Variants in EXOC5 observed in about 807,000 individuals in gnomAD.
EXOC5 encodes exocyst complex component 5.
Under a neutral mutation model 90.8 loss-of-function variants are expected in EXOC5, and 17 were observed. The ratio of observed to expected loss-of-function variants is 0.19; its 90% CI spans 0.13 to 0.28. The LOEUF is 0.28. Among genes scored for constraint, EXOC5 ranks in the 10% least tolerant of loss-of-function variants. EXOC5 has a pLI of 1.00. For synonymous variants in EXOC5, 260 were observed against 270.0 expected (o/e 0.96, Z 0.36); for missense variants, 569 against 830.6 (o/e 0.69, Z 3.87).
At chr14:57,245,032 A>G (rs1037795479) in intron 3 of EXOC5, among the ~76,000 whole-genome samples, 4 of 152,098 alleles carry the variant, frequency 2.6e-5, no homozygotes, top group African/African-American at 9.7e-5. Context: ...AAAATATACC[A>G]ATTTATTTTA....
At position 57,208,293 on chromosome 14, in the gene EXOC5, C is replaced by T; in HGVS notation, c.*316G>A. ...AGAACCGAAAACACTGGTAACATTT[C>T]CTTTGCCTTCTGACAGCAACATTTT... On this transcript the variant is annotated 3_prime_UTR_variant, in exon 18 of 18. Transcript: ENST00000621441. The T allele has an allele frequency of 4.6e-6, 1 of 215,458 alleles. No homozygotes were observed. Among genetic ancestry groups the T allele is most frequent in the Non-Finnish European group, 9.1e-6 (1 of 109,556 alleles). The allele number at this position is 215,458 out of a possible 1,614,324, so 13.3% of individuals were successfully genotyped here. A position where few individuals can be genotyped will look rare whatever the true frequency, so the allele number is the denominator to read the frequency against.
intron 15 of EXOC5, among the ~76,000 whole-genome samples, chr14:57,212,880 T>A (rs148802190): frequency 6.6e-6 from 1 of 152,240 alleles, no homozygotes; most frequent in African/African-American, 2.4e-5. Context: ...GCAATGCTGA[T>A]AGATCCACTC....
In EXOC5 at chr14:57,207,666, A is replaced by G. The variant is rs1051019559; in HGVS notation, c.*943T>C. Reference sequence around the variant, plus strand: ...TAAAAGACTAACCACATGTTCAGCCATTCCATCTTATTCAAGTTTAGCATT... The same window carrying G: ...TAAAAGACTAACCACATGTTCAGCCGTTCCATCTTATTCAAGTTTAGCATT... On this transcript the variant is annotated 3_prime_UTR_variant, in exon 18 of 18. Coordinates refer to ENST00000621441, the MANE Select transcript of EXOC5 (RefSeq NM_006544.4). 1.3e-5 allele frequency: 2 copies of G among 152,122 alleles called. No individual in the cohort carries two copies. Among genetic ancestry groups the G allele is most frequent in the African/African-American group, 4.8e-5 (2 of 41,454 alleles). The allele number at this position is 152,122 out of a possible 1,614,324, so 9.4% of individuals were successfully genotyped here.
chr14:57,233,006 A>ATTC, intron 9 of EXOC5: 1 of 280,134 alleles, frequency 3.6e-6, no homozygotes, highest in Non-Finnish European at 6.6e-6. Context: ...AAATTGGCCT[A>ATTC]TTCTGCTCTG....
chr14:57,265,182 C>G (rs1884631967), intron 1 of EXOC5, among the ~76,000 whole-genome samples: 1 of 150,212 alleles, frequency 6.7e-6, no homozygotes, highest in African/African-American at 2.5e-5. Flanking sequence ...ATTTCTATGG[C>G]ATGCCCTTTG....
intron 1 of EXOC5, among the ~76,000 whole-genome samples, chr14:57,256,298 G>GA (rs1335454280): frequency 1.3e-5 from 2 of 152,094 alleles, no homozygotes; most frequent in East Asian, 3.9e-4. Flanking sequence ...AACCAATTCT[G>GA]AAAATGTATG....
At chr14:57,244,101 C>T (rs1228550492) in intron 4 of EXOC5, 64 bp downstream of exon 4, 3 of 1,057,462 alleles carry the variant, frequency 2.8e-6, no homozygotes, top group East Asian at 2.4e-5. Context: ...GCAATTATTG[C>T]AGCTCATAAT....
In EXOC5 at chr14:57,240,583, G is replaced by C. The variant is rs76203728; in HGVS notation, c.466-924C>G. Reference sequence around the variant, plus strand: ...AGGCGTGAGCCACCGAGCCCAGCCAGAAATGTGTAAATTTATTCAAGTTGT... The same window carrying C: ...AGGCGTGAGCCACCGAGCCCAGCCACAAATGTGTAAATTTATTCAAGTTGT... On this transcript the variant is annotated intron_variant, in intron 4 of 17. Coordinates refer to ENST00000621441, the MANE Select transcript of EXOC5 (RefSeq NM_006544.4). 8.1e-3 allele frequency among the ~76,000 whole-genome samples: 1,225 copies of C among 151,858 alleles called. 19 individuals carry two copies. Among genetic ancestry groups the C allele is most frequent in the African/African-American group, 0.027 (1,119 of 41,466 alleles).
At position 57,206,030 on chromosome 14, in the gene EXOC5, T is replaced by C. The variant is rs1474638561; in HGVS notation, c.*2579A>G. 2.2e-6 allele frequency: 1 copy of C among 454,100 alleles called. No individual in the cohort carries two copies. The highest frequency in any genetic ancestry group is 2.0e-5 in the African/African-American group (1 of 49,812). 28.1% of individuals were successfully genotyped at this position (454,100 alleles called of 1,614,324 possible). On this transcript the variant is annotated 3_prime_UTR_variant, in exon 18 of 18. Coordinates refer to ENST00000621441, the MANE Select transcript of EXOC5 (RefSeq NM_006544.4). Reference sequence around the variant, plus strand: ...TTTACATAAGGTAGGCTTCCTTTATTAAATTCGTATTCTGTATTTCAGATA... The same window carrying C: ...TTTACATAAGGTAGGCTTCCTTTATCAAATTCGTATTCTGTATTTCAGATA...
At chr14:57,229,414 T>C (rs1308778943) in intron 12 of EXOC5, among the ~76,000 whole-genome samples, 5 of 151,812 alleles carry the variant, frequency 3.3e-5, no homozygotes. Flanking sequence ...GATCAAAAAA[T>C]ATTCAAGAAA....
chr14:57,237,388 T>C (rs1483301341), intron 5 of EXOC5, 22 bp from the exon 6 acceptor site: 1 of 1,511,760 alleles, frequency 6.6e-7, no homozygotes, highest in Non-Finnish European at 9.0e-7. Context: ...AAACCAACCA[T>C]GAGGTTTGTT....
rs576654164 is a variant in EXOC5 at position 57,261,165 on chromosome 14, T to C, written c.27+7457A>G. Among the ~76,000 whole-genome samples the C allele has an allele frequency of 3.3e-5, 5 of 152,346 alleles. No individual in the cohort carries two copies. In the East Asian group the frequency reaches 7.7e-4, roughly 23 times the overall value. On this transcript the variant is annotated intron_variant, in intron 1 of 17. Transcript: ENST00000621441. ...ACTTTTAAATTATTTATCACTCAAC[T>C]AGAACTTTCGTTTAATTTGTAGGTT...
chr14:57,232,978 A>T, intron 9 of EXOC5: 1 of 357,530 alleles, frequency 2.8e-6, no homozygotes, highest in Non-Finnish European at 5.0e-6. Context: ...CAGTCTTAGG[A>T]ATAATACCTT....
intron 15 of EXOC5, among the ~76,000 whole-genome samples, chr14:57,212,300 C>T (rs530711058): frequency 1.3e-5 from 2 of 152,332 alleles, no homozygotes; most frequent in South Asian, 2.1e-4. Context: ...GTTATCCAGT[C>T]CAGCTTCCCT....
In EXOC5 at chr14:57,242,050, A is replaced by G. The variant is rs370398272; in HGVS notation, c.465+2115T>C. ...CAGGAGGCTGAGGCAGGAGAATGGC[A>G]TGAACCCAGGAGGCGGAGGTTGCAG... is the stretch of plus-strand genomic sequence containing the variant. On this transcript the variant is annotated intron_variant, in intron 4 of 17. Coordinates refer to ENST00000621441, the MANE Select transcript of EXOC5 (RefSeq NM_006544.4). Among the ~76,000 whole-genome samples the G allele has an allele frequency of 3.1e-4, 46 of 149,874 alleles. 1 individual carries two copies. The South Asian group carries it at 3.3e-3, about 11-fold the overall frequency.
In EXOC5 at chr14:57,238,078, CAAAT is replaced by C. The variant is rs111564901; in HGVS notation, c.531-716_531-713del. Reference sequence around the variant, plus strand: ...TGGCTGGCAAAAGAGATGCCAAAGACAAATGAAGAAGGAAACAAAAATCTAGAGT... The same window carrying C: ...TGGCTGGCAAAAGAGATGCCAAAGACGAAGAAGGAAACAAAAATCTAGAGT... On this transcript the variant is annotated intron_variant, in intron 5 of 17. Coordinates refer to ENST00000621441, the MANE Select transcript of EXOC5 (RefSeq NM_006544.4). Among the ~76,000 whole-genome samples the C allele has an allele frequency of 2.2e-3, 332 of 151,254 alleles. 1 individual carries two copies. Among genetic ancestry groups the C allele is most frequent in the African/African-American group, 7.7e-3 (319 of 41,264 alleles).
rs1170189895 is a variant in EXOC5 at position 57,201,702 on chromosome 14, C to T, written c.*6907G>A. The T allele has an allele frequency of 1.3e-5, 2 of 150,884 alleles. No homozygotes were observed. The highest frequency in any genetic ancestry group is 3.0e-5 in the Non-Finnish European group (2 of 67,762). The allele number at this position is 150,884 out of a possible 1,614,324, so 9.3% of individuals were successfully genotyped here. On this transcript the variant is annotated 3_prime_UTR_variant, in exon 18 of 18. Transcript: ENST00000621441. ...GAGTTTGACACCAGCCTGACCAACACGGCAAAACCCCATTTCTACTACAAA... is the reference window on the plus strand; with the variant it reads ...GAGTTTGACACCAGCCTGACCAACATGGCAAAACCCCATTTCTACTACAAA...
chr14:57,203,521 G>A lies in EXOC5; in HGVS notation c.*5088C>T, dbSNP rs1303649908. On this transcript the variant is annotated 3_prime_UTR_variant, in exon 18 of 18. Coordinates refer to ENST00000621441, the MANE Select transcript of EXOC5 (RefSeq NM_006544.4). The stretch of plus-strand genomic sequence containing the variant: ...ACTTTCTTCATTTAAGATTCCCAGT[G>A]GTGAAAACAAAGAAAGTCACTCATT... 7.9e-5 allele frequency: 12 copies of A among 152,526 alleles called. No homozygotes were observed. Among genetic ancestry groups the A allele is most frequent in the Non-Finnish European group, 1.6e-4 (11 of 68,000 alleles). 9.4% of individuals were successfully genotyped at this position (152,526 alleles called of 1,614,324 possible). A position where few individuals can be genotyped will look rare whatever the true frequency, so the allele number is the denominator to read the frequency against.
In EXOC5 at chr14:57,264,669, C is replaced by T. The variant is rs111840101; in HGVS notation, c.27+3953G>A. Among the ~76,000 whole-genome samples, 324 of 152,238 alleles carry T rather than the reference C, an allele frequency of 2.1e-3. 1 individual carries two copies. The highest frequency in any genetic ancestry group is 7.1e-3 in the African/African-American group (295 of 41,558). ...CTACAACCCTCCCTTTATGTCTTAG[C>T]TTTTATTGTCTGCTTTACTGAAAAG... On this transcript the variant is annotated intron_variant, in intron 1 of 17. Coordinates refer to ENST00000621441, the MANE Select transcript of EXOC5 (RefSeq NM_006544.4).
Sources: gnomAD v4.1 joint callset for allele counts (sites outside exome capture counted in the v4.1 genomes callset) on GRCh38, gnomAD v4.1.1 for gene constraint, MANE v1.5 for transcripts, NCBI Gene and HGNC (gene_info 2026-07-23, HGNC 2026-07-21) for gene names.